The following GALNT10 variants were observed in gnomAD, a reference collection of about 807,000 sequenced individuals.
The protein encoded by GALNT10 is polypeptide N-acetylgalactosaminyltransferase 10.
In GALNT10, 41 loss-of-function variants were observed where a neutral mutation model predicts 75.0. The ratio of observed to expected loss-of-function variants is 0.55; its 90% CI spans 0.43 to 0.71. The LOEUF (loss-of-function observed/expected upper bound fraction) is 0.71. Ranked by LOEUF, GALNT10 falls within the 30% of genes least tolerant of loss-of-function variation. The pLI is 0.00. For missense variants in GALNT10, 727 were observed against 818.5 expected (o/e 0.89, Z 1.36); for synonymous variants, 302 against 313.0 (o/e 0.96, Z 0.37).
intron 1 of GALNT10, among the ~76,000 whole-genome samples, chr5:154,290,060 T>G (rs1191959341): frequency 6.6e-6 from 1 of 151,938 alleles, no homozygotes; most frequent in Non-Finnish European, 1.5e-5. Context: ...GATAGGATTC[T>G]TAGGGCCCTT....
chr5:154,312,330 G>A (rs866073542), intron 3 of GALNT10, among the ~76,000 whole-genome samples: 2 of 152,110 alleles, frequency 1.3e-5, no homozygotes, highest in South Asian at 4.2e-4. Flanking sequence ...CCTTTCAGGG[G>A]AAGAAATCAA....
At chr5:154,323,822 C>A (rs539308362) in intron 3 of GALNT10, among the ~76,000 whole-genome samples, 1 of 152,352 alleles carries the variant, frequency 6.6e-6, no homozygotes, top group South Asian at 2.1e-4. Context: ...CTGCTACCAC[C>A]CCCTACGATG....
chr5:154,287,961 A>T (rs796634086), intron 1 of GALNT10, among the ~76,000 whole-genome samples: 63 of 101,320 alleles, frequency 6.2e-4, no homozygotes, highest in South Asian at 1.8e-3. Flanking sequence ...TGTGTGTGTG[A>T]GAGAGAGAGA....
At chr5:154,410,373 T>C (rs1163955901) in intron 9 of GALNT10, among the ~76,000 whole-genome samples, 2 of 127,692 alleles carry the variant, frequency 1.6e-5, no homozygotes, top group Non-Finnish European at 1.6e-5. Flanking sequence ...AGACCCTGTC[T>C]CTACAAAAAA....
At chr5:154,372,831 C>T (rs1188007170) in intron 4 of GALNT10, among the ~76,000 whole-genome samples, 2 of 152,090 alleles carry the variant, frequency 1.3e-5, no homozygotes, top group African/African-American at 2.4e-5. Context: ...GGGTGGGGCA[C>T]CAGATGTGTG....
chr5:154,359,190 G>A (rs567025353), intron 4 of GALNT10, among the ~76,000 whole-genome samples: 5 of 152,188 alleles, frequency 3.3e-5, no homozygotes, highest in African/African-American at 4.8e-5. Context: ...CATGGTAAAC[G>A]CACCCTCCTA....
At chr5:154,413,544 C>G (rs572377985) in intron 10 of GALNT10, among the ~76,000 whole-genome samples, 27 of 152,288 alleles carry the variant, frequency 1.8e-4, no homozygotes, top group African/African-American at 6.5e-4. Context: ...TGTTCATTAC[C>G]TTGACTCTTG....
At chr5:154,317,923 C>T (rs1437410238) in intron 3 of GALNT10, among the ~76,000 whole-genome samples, 1 of 152,218 alleles carries the variant, frequency 6.6e-6, no homozygotes, top group Non-Finnish European at 1.5e-5. Flanking sequence ...AGGCAAGGAA[C>T]AGTCCACATG....
chr5:154,352,825 G>C lies in GALNT10; in HGVS notation c.568+23087G>C, dbSNP rs977519047. 6.6e-6 allele frequency among the ~76,000 whole-genome samples: 1 copy of C among 152,136 alleles called. No homozygotes were observed. The highest frequency in any genetic ancestry group is 1.5e-5 in the Non-Finnish European group (1 of 68,032). ...TGGTTTAAGAAACCTTGACCACCCC[G>C]CGGTCTTGCATCGGGACATGGCTAT... On this transcript the variant is annotated intron_variant, in intron 4 of 11. Coordinates refer to ENST00000297107, the MANE Select transcript of GALNT10 (RefSeq NM_198321.4). The surrounding 1 kb of genome is among the most constrained non-coding windows in gnomAD (Gnocchi z 4.4).
intron 6 of GALNT10, among the ~76,000 whole-genome samples, chr5:154,381,226 G>A (rs1326996923): frequency 6.6e-6 from 1 of 152,180 alleles, no homozygotes; most frequent in Non-Finnish European, 1.5e-5. Context: ...GAGGGTGATG[G>A]GCTGGACTCA....
intron 4 of GALNT10, among the ~76,000 whole-genome samples, chr5:154,371,773 G>A (rs1581996862): frequency 6.6e-6 from 1 of 151,996 alleles, no homozygotes; most frequent in East Asian, 1.9e-4. Flanking sequence ...TGGCTCTGAG[G>A]AGTCCTTGGG....
chr5:154,389,207 A>G (rs1433497973), intron 7 of GALNT10: 1 of 151,886 alleles, frequency 6.6e-6, no homozygotes, highest in Non-Finnish European at 1.5e-5. Flanking sequence ...TTTATGAGTC[A>G]TAATTTTTAT....
intron 7 of GALNT10, chr5:154,403,860 A>T: frequency 1.8e-6 from 1 of 564,912 alleles, no homozygotes; most frequent in Non-Finnish European, 3.2e-6. Context: ...ATGAGGCTTA[A>T]GTGTGGTTGT....
chr5:154,362,106 A>C lies in GALNT10; in HGVS notation c.569-14171A>C, dbSNP rs138944339. On this transcript the variant is annotated intron_variant, in intron 4 of 11. Transcript: ENST00000297107. ...TTGCTTTTGAGCTTATGATACCCCA[A>C]ATATAAGAAGCTCCTTCTGTTCAAA... Among the ~76,000 whole-genome samples the C allele has an allele frequency of 2.2e-4, 34 of 152,310 alleles. 1 individual carries two copies. The East Asian group carries it at 5.4e-3, about 24-fold the overall frequency.
chr5:154,401,837 C>T (rs569729151), intron 7 of GALNT10, among the ~76,000 whole-genome samples: 13 of 152,288 alleles, frequency 8.5e-5, no homozygotes, highest in African/African-American at 2.2e-4. Flanking sequence ...CCAATCCCCA[C>T]GACCTCATCG....
chr5:154,407,174 C>A (rs1238519466), intron 8 of GALNT10, among the ~76,000 whole-genome samples: 1 of 152,114 alleles, frequency 6.6e-6, no homozygotes, highest in African/African-American at 2.4e-5. Flanking sequence ...AGGATCCAGG[C>A]AAATCTCTGT....
At chr5:154,282,801 A>C (rs968779742) in intron 1 of GALNT10, among the ~76,000 whole-genome samples, 4 of 152,218 alleles carry the variant, frequency 2.6e-5, no homozygotes, top group African/African-American at 9.6e-5. Flanking sequence ...TCATCTGGAA[A>C]AGATAAAAGA....
rs541681442 is a variant in GALNT10, at chr5:154,348,932, G to A, written c.568+19194G>A. Among the ~76,000 whole-genome samples the A allele has an allele frequency of 3.3e-5, 5 of 152,060 alleles. No homozygotes were observed. The South Asian group carries it at 8.3e-4, about 25-fold the overall frequency. ...GTGTCTGTCCCTAGAAGGCTTGTAC[G>A]CTTTCTAATTTGCCATTTCAATTCA... On this transcript the variant is annotated intron_variant, in intron 4 of 11. Transcript: ENST00000297107.
At chr5:154,253,863 CTT>C (rs1406964368) in intron 1 of GALNT10, among the ~76,000 whole-genome samples, 3 of 152,066 alleles carry the variant, frequency 2.0e-5, no homozygotes, top group Non-Finnish European at 4.4e-5. Context: ...GGACTTACCT[CTT>C]TGCAGATCTA....
Sources: allele counts gnomAD v4.1 joint callset (sites outside exome capture counted in the v4.1 genomes callset), GRCh38; gene constraint gnomAD v4.1.1; non-coding constraint Gnocchi (gnomAD v3.1); transcripts MANE v1.5; gene names NCBI Gene and HGNC (gene_info 2026-07-23, HGNC 2026-07-21).